SLC2A2: variants seen among roughly 807,000 people sequenced by gnomAD.
SLC2A2 encodes solute carrier family 2, facilitated glucose transporter member 2.
SLC2A2 carries 36 observed loss-of-function variants against 54.5 expected under a neutral mutation model. That is an observed-to-expected ratio of 0.66 (90% CI 0.51 to 0.87). The LOEUF (loss-of-function observed/expected upper bound fraction) is 0.87. SLC2A2 is among the 40% of genes least tolerant of loss of function. The pLI, the probability that SLC2A2 is intolerant of heterozygous loss-of-function variation, is 0.00. For synonymous variants in SLC2A2, 223 were observed against 219.1 expected (o/e 1.02, Z -0.16); for missense variants, 543 against 624.3 (o/e 0.87, Z 1.39).
At chr3:171,020,751 G>A (rs1025008107) in intron 1 of SLC2A2, among the ~76,000 whole-genome samples, 53 of 151,800 alleles carry the variant, frequency 3.5e-4, no homozygotes, top group Non-Finnish European at 1.3e-4. Flanking sequence ...GGGCATGGTG[G>A]TGTATGCCTG....
intron 2 of SLC2A2, among the ~76,000 whole-genome samples, chr3:171,016,757 G>C (rs1164597862): frequency 6.6e-6 from 1 of 152,072 alleles, no homozygotes; most frequent in African/African-American, 2.4e-5. Context: ...TATGGGGATC[G>C]CTGTTTTCAG....
intron 1 of SLC2A2, among the ~76,000 whole-genome samples, chr3:171,026,118 G>A (rs1386339845): frequency 6.6e-6 from 1 of 152,134 alleles, no homozygotes; most frequent in Non-Finnish European, 1.5e-5. Flanking sequence ...ATCCAAGAGT[G>A]TGAAATTGAT....
intron 3 of SLC2A2, among the ~76,000 whole-genome samples, chr3:171,010,840 TAATC>T (rs1322697944): frequency 6.6e-6 from 1 of 152,108 alleles, no homozygotes; most frequent in Admixed American, 6.6e-5. Flanking sequence ...CTTTCAAAAT[TAATC>T]AGATGAAAAT....
intron 7 of SLC2A2, among the ~76,000 whole-genome samples, chr3:171,002,991 A>T (rs963054625): frequency 6.6e-6 from 1 of 152,170 alleles, no homozygotes; most frequent in African/African-American, 2.4e-5. Flanking sequence ...ATAAATATGC[A>T]GCTTAATTAA....
intron 1 of SLC2A2, 59 bp downstream of exon 1, chr3:171,026,597 T>G: frequency 6.9e-7 from 1 of 1,441,516 alleles, no homozygotes; most frequent in South Asian, 1.1e-5. Context: ...ATGACTTGAC[T>G]GTATTCCCCT....
chr3:171,003,199 T>C (rs1715419415), intron 7 of SLC2A2, among the ~76,000 whole-genome samples: 1 of 152,026 alleles, frequency 6.6e-6, no homozygotes, highest in Non-Finnish European at 1.5e-5. Flanking sequence ...TATCATTTTG[T>C]GCCTGGCTTC....
intron 1 of SLC2A2, among the ~76,000 whole-genome samples, chr3:171,019,118 T>TAG (rs1313571735): frequency 3.5e-4 from 2 of 5,720 alleles, no homozygotes; most frequent in Non-Finnish European, 6.2e-4. Flanking sequence ...TATATATATA[T>TAG]ATATACGTAT....
Position 171,002,632 on chromosome 3 carries a change from G to A in SLC2A2, c.1012C>T (p.Pro338Ser). 6.2e-7 allele frequency: 1 copy of A among 1,611,032 alleles called. No individual in the cohort carries two copies. The highest frequency in any genetic ancestry group is 8.5e-7 in the Non-Finnish European group (1 of 1,178,238). The change falls in exon 8 of 11, where the codon CCT becomes TCT. Residue 338 changes from proline to serine, a missense_variant. By Grantham distance (74) the Pro-to-Ser change is moderately conservative. Transcript: ENST00000314251. ...SIFQTAGISK[P>S]VYATIGVGAV... ...CCAACTCCAATGGTTGCATAAACAG[G>A]TTTGCTGATACCAGCCGTCTGAAAA...
chr3:171,018,434 C>A (rs1431621046), intron 2 of SLC2A2, 97 bp downstream of exon 2: 5 of 890,910 alleles, frequency 5.6e-6, no homozygotes, highest in African/African-American at 3.3e-5. Flanking sequence ...CCTTGTGTCT[C>A]CCACGTGGAC....
At chr3:171,003,419 C>A (rs1183941936) in intron 7 of SLC2A2, among the ~76,000 whole-genome samples, 1 of 147,770 alleles carries the variant, frequency 6.8e-6, no homozygotes, top group Non-Finnish European at 1.5e-5. Context: ...ACTCTAGAAG[C>A]CACTTGCAAT....
chr3:171,023,410 A>G (rs1716550037), intron 1 of SLC2A2, among the ~76,000 whole-genome samples: 1 of 152,074 alleles, frequency 6.6e-6, no homozygotes, highest in Non-Finnish European at 1.5e-5. Flanking sequence ...CCACTCCTTC[A>G]TCTTTTCTTT....
At chr3:171,007,734 C>G (rs1217583921) in intron 4 of SLC2A2, among the ~76,000 whole-genome samples, 1 of 151,918 alleles carries the variant, frequency 6.6e-6, no homozygotes, top group Non-Finnish European at 1.5e-5. Context: ...ACAGCATGCC[C>G]TATCTGAATT....
intron 3 of SLC2A2, among the ~76,000 whole-genome samples, chr3:171,013,975 G>A (rs747836055): frequency 2.1e-5 from 3 of 141,614 alleles, no homozygotes; most frequent in East Asian, 1.9e-4. Context: ...GCCAGAAACC[G>A]CATAACAAAT....
intron 7 of SLC2A2, among the ~76,000 whole-genome samples, chr3:171,004,393 C>T (rs867786845): frequency 8.6e-5 from 13 of 151,892 alleles, no homozygotes; most frequent in South Asian, 2.1e-4. Context: ...TAAAGGAGGA[C>T]GGAGACCACA....
At chr3:171,011,399 T>C (rs770920544) in intron 3 of SLC2A2, among the ~76,000 whole-genome samples, 34 of 152,160 alleles carry the variant, frequency 2.2e-4, no homozygotes, top group Non-Finnish European at 4.9e-4. Context: ...GCTTCAAAGA[T>C]GGAAGAAGGG....
chr3:170,999,174 A>C lies in SLC2A2; in HGVS notation c.1069-8T>G, dbSNP rs1234922867. On this transcript the variant is annotated splice_region_variant and splice_polypyrimidine_tract_variant and intron_variant, in intron 8 of 10. Transcript: ENST00000314251. ...CTTCTCCACAAGGAATACCTAGGACAATTTTAAAGAAATTATCTCAGTTTT... is the reference window on the plus strand; with the variant it reads ...CTTCTCCACAAGGAATACCTAGGACCATTTTAAAGAAATTATCTCAGTTTT... 5.8e-6 allele frequency: 9 copies of C among 1,556,616 alleles called. No homozygotes were observed. In the Admixed American group the frequency reaches 1.5e-4, roughly 26 times the overall value.
At chr3:171,017,450 C>G (rs903368578) in intron 2 of SLC2A2, among the ~76,000 whole-genome samples, 1 of 152,178 alleles carries the variant, frequency 6.6e-6, no homozygotes, top group Admixed American at 6.5e-5. Flanking sequence ...ATGGTCAGCG[C>G]ATATTTCACA....
At chr3:170,999,211 AAT>A in intron 8 of SLC2A2, 45 bp from the exon 9 acceptor site, 3 of 1,240,920 alleles carry the variant, frequency 2.4e-6, no homozygotes, top group Non-Finnish European at 3.6e-6. Context: ...TGAGTCACAA[AAT>A]ATTGACTGTT....
intron 3 of SLC2A2, among the ~76,000 whole-genome samples, chr3:171,013,128 A>G (rs922123396): frequency 6.6e-6 from 1 of 152,088 alleles, no homozygotes; most frequent in African/African-American, 2.4e-5. Flanking sequence ...AACGTAATTT[A>G]ATTTTGCTTA....
Sources: gnomAD v4.1 joint callset for allele counts (sites outside exome capture counted in the v4.1 genomes callset) on GRCh38, gnomAD v4.1.1 for gene constraint, MANE v1.5 for transcripts, NCBI Gene and HGNC (gene_info 2026-07-23, HGNC 2026-07-21) for gene names.